The following TDRD9 variants were observed in gnomAD, a reference collection of about 807,000 sequenced individuals.
The protein encoded by TDRD9 is tudor domain containing 9.
TDRD9 carries 124 observed loss-of-function variants against 172.6 expected under a neutral mutation model. That is an observed-to-expected ratio of 0.72 (90% CI 0.62 to 0.83). The LOEUF is 0.83. Ranked by LOEUF, TDRD9 falls within the 40% of genes least tolerant of loss-of-function variation. TDRD9 has a pLI of 0.00. For missense variants in TDRD9, 1,479 were observed against 1,714.1 expected (o/e 0.86, Z 2.42); for synonymous variants, 619 against 617.1 (o/e 1.00, Z -0.05).
At chr14:103,992,465 C>T (rs1214360425) in intron 9 of TDRD9, among the ~76,000 whole-genome samples, 1 of 152,088 alleles carries the variant, frequency 6.6e-6, no homozygotes, top group Non-Finnish European at 1.5e-5. Flanking sequence ...GTTGCATGTG[C>T]CTTGGTGAAT....
chr14:103,984,079 C>T (rs1220105696), intron 7 of TDRD9, among the ~76,000 whole-genome samples: 1 of 152,146 alleles, frequency 6.6e-6, no homozygotes, highest in Non-Finnish European at 1.5e-5. Context: ...AATTTCTAAG[C>T]AGCAAGGCAT....
chr14:103,949,459 A>G (rs1193733814), intron 1 of TDRD9, among the ~76,000 whole-genome samples: 1 of 152,260 alleles, frequency 6.6e-6, no homozygotes, highest in Non-Finnish European at 1.5e-5. Context: ...AAACAAAAAC[A>G]ATCCAAAATA....
intron 34 of TDRD9, among the ~76,000 whole-genome samples, chr14:104,047,061 G>A (rs769217792): frequency 1.3e-4 from 20 of 152,224 alleles, no homozygotes; most frequent in Non-Finnish European, 2.6e-4. Context: ...TAGGGATTGT[G>A]TGGAACCTGT....
chr14:104,037,603 A>T (rs1164401964), intron 32 of TDRD9, among the ~76,000 whole-genome samples: 1 of 152,248 alleles, frequency 6.6e-6, no homozygotes, highest in Admixed American at 6.5e-5. Context: ...GGAAGGAGAT[A>T]TGTGTTATGC....
chr14:103,952,487 C>T (rs1372210321), intron 1 of TDRD9, among the ~76,000 whole-genome samples: 4 of 150,086 alleles, frequency 2.7e-5, no homozygotes, highest in East Asian at 1.9e-4. Context: ...GTGATCCGCC[C>T]ACCTCGGCCT....
At chr14:104,007,031 T>C in intron 18 of TDRD9, 129 bp from the exon 19 acceptor site, 1 of 1,077,878 alleles carries the variant, frequency 9.3e-7, no homozygotes, top group Non-Finnish European at 1.3e-6. Flanking sequence ...TCCAATTTTA[T>C]GAAATTGATT....
intron 32 of TDRD9, among the ~76,000 whole-genome samples, chr14:104,036,004 G>A (rs2035441525): frequency 6.6e-6 from 1 of 151,842 alleles, no homozygotes; most frequent in South Asian, 2.1e-4. Context: ...TTAGTTGTAA[G>A]AATATTTTTT....
chr14:103,987,808 T>G (rs2033727672), intron 8 of TDRD9, among the ~76,000 whole-genome samples: 1 of 152,240 alleles, frequency 6.6e-6, no homozygotes, highest in Non-Finnish European at 1.5e-5. Flanking sequence ...CTTGATCTTC[T>G]GCCTGGTTGC....
chr14:103,990,919 G>T (rs190083152), intron 8 of TDRD9, among the ~76,000 whole-genome samples: 1 of 152,310 alleles, frequency 6.6e-6, no homozygotes, highest in East Asian at 1.9e-4. Context: ...TCTGCAGATA[G>T]TAAGTTTTGA....
intron 1 of TDRD9, among the ~76,000 whole-genome samples, chr14:103,943,510 C>T (rs1456687935): frequency 6.8e-6 from 1 of 147,672 alleles, no homozygotes; most frequent in Non-Finnish European, 1.5e-5. Context: ...CACACACATA[C>T]ATTTCTTTTT....
At chr14:103,941,739 T>C (rs371813394) in intron 1 of TDRD9, 7 of 1,360,464 alleles carry the variant, frequency 5.1e-6, no homozygotes, top group Non-Finnish European at 2.0e-6. Flanking sequence ...TTGCTCAAAA[T>C]GTTATGTTCT....
At chr14:103,987,123 T>C (rs531924918) in intron 8 of TDRD9, among the ~76,000 whole-genome samples, 157 of 145,810 alleles carry the variant, frequency 1.1e-3, no homozygotes, top group East Asian at 3.9e-3. Flanking sequence ...AAAAAATATA[T>C]ACACACACAC....
In TDRD9 at chr14:104,022,255, A is replaced by G; in HGVS notation, c.2531A>G (p.Glu844Gly). The G allele has an allele frequency of 6.2e-7, 1 of 1,612,998 alleles. No individual in the cohort carries two copies. Among genetic ancestry groups the G allele is most frequent in the Middle Eastern group, 1.7e-4 (1 of 6,060 alleles). The change falls in exon 24 of 36, where the codon GAA becomes GGA. Residue 844 changes from glutamate to glycine, a missense_variant. Glu to Gly is a moderately conservative substitution (Grantham distance 98, BLOSUM62 -2). Transcript: ENST00000409874. The stretch of plus-strand genomic sequence containing the variant: ...ATGTCTCAACTAAAAGTTTCACTTG[A>G]ACTCAGCGTTCATTCTGCAGAGGAA... ...IKMSQLKVSL[E>G]LSVHSAEEIE...
Position 104,004,230 on chromosome 14 carries a change from C to T in TDRD9, c.1484-8C>T, listed in dbSNP as rs781141755. 2.0e-6 allele frequency: 3 copies of T among 1,534,006 alleles called. No individual in the cohort carries two copies. The highest frequency in any genetic ancestry group is 2.7e-6 in the Non-Finnish European group (3 of 1,115,476). ...GCCAAACACTGTTTGCACATCTCTC[C>T]TTTGAAGGCCGTGCTGGACGAGTGT... On this transcript the variant is annotated splice_polypyrimidine_tract_variant and splice_region_variant and intron_variant, in intron 13 of 35. Transcript: ENST00000409874.
intron 19 of TDRD9, 148 bp from the exon 20 acceptor site, chr14:104,008,265 C>T: frequency 1.8e-6 from 1 of 562,134 alleles, no homozygotes; most frequent in Non-Finnish European, 3.2e-6. Flanking sequence ...ATTGGATGTA[C>T]CTGGAGAGGG....
intron 8 of TDRD9, among the ~76,000 whole-genome samples, chr14:103,989,587 A>G (rs2152194538): frequency 1.3e-5 from 2 of 152,336 alleles, no homozygotes; most frequent in African/African-American, 4.8e-5. Flanking sequence ...ATCTATTTCC[A>G]TGAGGGCAAA....
rs77260485 is a variant in TDRD9 at position 103,963,088 on chromosome 14, C to T, written c.332C>T (p.Pro111Leu). 4.4e-4 allele frequency: 672 copies of T among 1,543,076 alleles called. 4 individuals are homozygous for T. In the African/African-American group the frequency reaches 8.6e-3, roughly 20 times the overall value. The change falls in exon 3 of 36, where the codon CCA (proline) becomes CTA (leucine). Residue 111 changes from proline (P) to leucine (L), a missense_variant. Around this residue, in one of 3 missense-constraint regions of TDRD9, gnomAD observed 1,413 missense variants for 1,649.1 expected, o/e 0.86. Coordinates refer to ENST00000409874, the MANE Select transcript of TDRD9 (RefSeq NM_153046.3). ...VQPTSGPGPR[P>L]SLAKLSSVTC... ...TTTTGCCTTAATCCAGGTCCAAGGC[C>T]ATCTTTGGCTAAATTAAGCAGTGTG...
intron 1 of TDRD9, among the ~76,000 whole-genome samples, chr14:103,948,518 A>G (rs2031692663): frequency 6.6e-6 from 1 of 152,202 alleles, no homozygotes; most frequent in South Asian, 2.1e-4. Flanking sequence ...GTTTAAAGGA[A>G]GACCTTGAAG....
chr14:103,946,576 A>C (rs1361443290), intron 1 of TDRD9, among the ~76,000 whole-genome samples: 3 of 152,218 alleles, frequency 2.0e-5, no homozygotes, highest in Non-Finnish European at 4.4e-5. Context: ...TAAGAAATAA[A>C]ATGCATCCAA....
Sources: allele counts gnomAD v4.1 joint callset (sites outside exome capture counted in the v4.1 genomes callset), GRCh38; gene constraint gnomAD v4.1.1; regional missense constraint gnomAD v4.1.1; transcripts MANE v1.5; gene names NCBI Gene and HGNC (gene_info 2026-07-23, HGNC 2026-07-21).